The following SLC25A28 variants were observed in gnomAD, a reference collection of about 807,000 sequenced individuals.
SLC25A28 encodes solute carrier family 25 member 28, also known as mitoferrin-2.
A neutral mutation model predicts 31.9 loss-of-function variants in SLC25A28; 10 were observed. The observed-to-expected ratio is 0.31, with a 90% confidence interval of 0.19 to 0.53. The LOEUF (loss-of-function observed/expected upper bound fraction) is 0.53. Ranked by LOEUF, SLC25A28 falls within the 20% of genes least tolerant of loss-of-function variation. SLC25A28 has a pLI of 0.95. For missense variants in SLC25A28, 256 were observed against 490.3 expected, an observed-to-expected ratio of 0.52 and a Z score of 4.51; for synonymous variants, 208 against 203.6, an observed-to-expected ratio of 1.02 and a Z score of -0.19.
At chr10:99,619,394 T>G in intron 1 of SLC25A28, 1 of 985,446 alleles carries the variant, frequency 1.0e-6, no homozygotes, top group Non-Finnish European at 1.2e-6. Context: ...CAGCTCAATT[T>G]TCATGTTCAG....
At chr10:99,612,706 G>A (rs2034559343) in intron 2 of SLC25A28, 107 bp from the exon 3 acceptor site, 2 of 1,268,400 alleles carry the variant, frequency 1.6e-6, no homozygotes, top group Admixed American at 3.4e-5. Flanking sequence ...GCGGGGAAAA[G>A]TAACGTTAAG....
the SLC25A28 span, among the ~76,000 whole-genome samples, chr10:99,639,860 G>T: frequency 6.6e-6 from 1 of 151,904 alleles, no homozygotes; most frequent in East Asian, 1.9e-4. Flanking sequence ...TTATCCTTTG[G>T]ATTTAATTCA....
chr10:99,633,647 C>T, the SLC25A28 span, among the ~76,000 whole-genome samples: 7 of 138,526 alleles, frequency 5.1e-5, no homozygotes, highest in South Asian at 2.3e-4. Flanking sequence ...CCAGCCTGGG[C>T]GACAGAGGGA....
chr10:99,622,142 A>G (rs554984014), upstream of SLC25A28, among the ~76,000 whole-genome samples: 11 of 152,186 alleles, frequency 7.2e-5, no homozygotes, highest in Admixed American at 1.3e-4. Flanking sequence ...ACATGGCAAA[A>G]CCCCGTCTCT....
At chr10:99,628,179 A>G in the SLC25A28 span, among the ~76,000 whole-genome samples, 2 of 152,234 alleles carry the variant, frequency 1.3e-5, no homozygotes, top group African/African-American at 4.8e-5. Flanking sequence ...TATGATATGT[A>G]AGACTTACAA....
intron 1 of SLC25A28, chr10:99,616,037 A>G: frequency 1.0e-6 from 1 of 985,482 alleles, no homozygotes; most frequent in Non-Finnish European, 1.2e-6. Context: ...GGACCTGGGC[A>G]TAAGCTATGC....
chr10:99,635,148 T>A, the SLC25A28 span, among the ~76,000 whole-genome samples: 2 of 152,250 alleles, frequency 1.3e-5, no homozygotes, highest in Non-Finnish European at 2.9e-5. Flanking sequence ...TAAACAGAGT[T>A]CTAAATCTTG....
the SLC25A28 span, among the ~76,000 whole-genome samples, chr10:99,652,435 CT>C: frequency 1.3e-4 from 20 of 151,400 alleles, no homozygotes; most frequent in Admixed American, 7.2e-4. Flanking sequence ...GCAAATGCCC[CT>C]TTTTTTTTGT....
intron 1 of SLC25A28, chr10:99,617,013 T>C (rs995299030): frequency 6.1e-6 from 6 of 985,064 alleles, no homozygotes; most frequent in East Asian, 2.3e-4. Context: ...TGAATATGTA[T>C]AGATACCATT....
the SLC25A28 span, among the ~76,000 whole-genome samples, chr10:99,639,760 G>C: frequency 1.4e-5 from 1 of 72,118 alleles, no homozygotes; most frequent in African/African-American, 5.2e-5. Flanking sequence ...CACACACACA[G>C]CCTAGGCATT....
Position 99,613,175 on chromosome 10 carries a change from G to A in SLC25A28, c.520+521C>T, listed in dbSNP as rs2034570551. ...TCTCTTACTTCCACACAACCTTCTG[G>A]TTTCTTCATGCAGTTCCTTGGCCCC... On this transcript the variant is annotated intron_variant, in intron 2 of 3. Transcript: ENST00000370495. The surrounding 1 kb of genome is among the most constrained non-coding windows in gnomAD (Gnocchi z 4.9). Among the ~76,000 whole-genome samples the A allele has an allele frequency of 6.6e-6, 1 of 152,092 alleles. No homozygotes were observed. The highest frequency in any genetic ancestry group is 2.1e-4 in the South Asian group (1 of 4,822).
chr10:99,650,667 C>T, the SLC25A28 span, among the ~76,000 whole-genome samples: 1 of 151,896 alleles, frequency 6.6e-6, no homozygotes, highest in African/African-American at 2.4e-5. Context: ...CACTGCAGGG[C>T]AGTGGTATTG....
the SLC25A28 span, among the ~76,000 whole-genome samples, chr10:99,655,867 T>G: frequency 3.2e-3 from 494 of 152,288 alleles, 3 homozygotes; most frequent in African/African-American, 0.011. Context: ...CCAAGCATAT[T>G]CAGTGTGGTT....
the SLC25A28 span, among the ~76,000 whole-genome samples, chr10:99,656,571 T>C: frequency 1.3e-5 from 2 of 151,982 alleles, no homozygotes; most frequent in African/African-American, 2.4e-5. Context: ...GTAGACCACA[T>C]GACACTCCTC....
the SLC25A28 span, among the ~76,000 whole-genome samples, chr10:99,632,479 G>T: frequency 1.3e-5 from 2 of 152,024 alleles, no homozygotes; most frequent in African/African-American, 2.4e-5. Context: ...CAAAAAGAAT[G>T]CTAAATGCTT....
the SLC25A28 span, among the ~76,000 whole-genome samples, chr10:99,631,875 G>GTTT: frequency 2.0e-3 from 187 of 91,708 alleles, no homozygotes; most frequent in Middle Eastern, 0.013. Flanking sequence ...CGCTCAGTAT[G>GTTT]TTATTTTTTT....
At chr10:99,614,392 T>C (rs747472520) in intron 1 of SLC25A28, among the ~76,000 whole-genome samples, 1 of 152,226 alleles carries the variant, frequency 6.6e-6, no homozygotes, top group Non-Finnish European at 1.5e-5. Flanking sequence ...AATTTTTTTA[T>C]ACTTTTTCAG....
chr10:99,649,590 T>G, the SLC25A28 span, among the ~76,000 whole-genome samples: 2 of 152,190 alleles, frequency 1.3e-5, no homozygotes, highest in Non-Finnish European at 1.5e-5. Context: ...CTGGGCTTTT[T>G]TTGTTGTTGT....
In SLC25A28 at chr10:99,613,121, C is replaced by T. The variant is rs964503535; in HGVS notation, c.521-522G>A. ...CTCCACACTCAACTTGGTTTCCAGC[C>T]GGTCCTAAAGCCCTAGGCTGCTATC... On this transcript the variant is annotated intron_variant, in intron 2 of 3. Coordinates refer to ENST00000370495, the MANE Select transcript of SLC25A28 (RefSeq NM_031212.4). This position sits in a 1 kb window ranked among gnomAD's most constrained non-coding sequence, Gnocchi z 4.9. 1.3e-5 allele frequency among the ~76,000 whole-genome samples: 2 copies of T among 152,200 alleles called. No homozygotes were observed. Among genetic ancestry groups the T allele is most frequent in the African/African-American group, 2.4e-5 (1 of 41,450 alleles).
Sources: allele counts gnomAD v4.1 joint callset (sites outside exome capture counted in the v4.1 genomes callset), GRCh38; gene constraint gnomAD v4.1.1; non-coding constraint Gnocchi (gnomAD v3.1); transcripts MANE v1.5; gene names NCBI Gene and HGNC (gene_info 2026-07-23, HGNC 2026-07-21).